The following CAMK2D variants were observed in gnomAD, a reference collection of about 807,000 sequenced individuals.
CAMK2D encodes calcium/calmodulin dependent protein kinase II delta.
Under a neutral mutation model 84.0 loss-of-function variants are expected in CAMK2D, and 37 were observed. The ratio of observed to expected loss-of-function variants is 0.44; its 90% CI spans 0.34 to 0.58. The LOEUF is 0.58. CAMK2D is among the 20% of genes least tolerant of loss of function. CAMK2D has a pLI of 0.02. For missense variants in CAMK2D, 448 were observed against 652.5 expected (o/e 0.69, Z 3.41); for synonymous variants, 202 against 212.5 (o/e 0.95, Z 0.43).
At chr4:113,753,403 A>C (rs973461834) in intron 2 of CAMK2D, among the ~76,000 whole-genome samples, 2 of 152,124 alleles carry the variant, frequency 1.3e-5, no homozygotes, top group African/African-American at 4.8e-5. Context: ...TAACTAAAAA[A>C]ATCAGTGATG....
chr4:113,512,036 GA>G (rs2154164618), intron 12 of CAMK2D, among the ~76,000 whole-genome samples: 1 of 152,184 alleles, frequency 6.6e-6, no homozygotes, highest in Non-Finnish European at 1.5e-5. Flanking sequence ...ACAAAATAAA[GA>G]ATTGAAAAAA....
At chr4:113,542,988 G>A (rs1160496248) in intron 6 of CAMK2D, among the ~76,000 whole-genome samples, 1 of 152,166 alleles carries the variant, frequency 6.6e-6, no homozygotes, top group Non-Finnish European at 1.5e-5. Context: ...TTCATAGGGT[G>A]TTAATTTGTT....
intron 2 of CAMK2D, among the ~76,000 whole-genome samples, chr4:113,710,227 G>C (rs2099487835): frequency 6.6e-6 from 1 of 152,062 alleles, no homozygotes; most frequent in Non-Finnish European, 1.5e-5. Flanking sequence ...TAGAGTATAG[G>C]ACCTGAGCTG....
intron 2 of CAMK2D, among the ~76,000 whole-genome samples, chr4:113,700,151 G>A (rs1272508887): frequency 1.3e-5 from 2 of 152,042 alleles, no homozygotes; most frequent in East Asian, 3.9e-4. Flanking sequence ...TTTCAAAAAG[G>A]AACCAAAGAA....
At chr4:113,576,822 A>T (rs1167086589) in intron 4 of CAMK2D, among the ~76,000 whole-genome samples, 1 of 152,152 alleles carries the variant, frequency 6.6e-6, no homozygotes, top group Non-Finnish European at 1.5e-5. Flanking sequence ...CTTCAACAAA[A>T]GATGAAGACA....
intron 4 of CAMK2D, among the ~76,000 whole-genome samples, chr4:113,565,800 T>C (rs2098721041): frequency 6.6e-6 from 1 of 152,094 alleles, no homozygotes; most frequent in South Asian, 2.1e-4. Flanking sequence ...TGTTGAAACA[T>C]GGAGAAAAGA....
At chr4:113,602,551 C>A (rs1252144366) in intron 4 of CAMK2D, among the ~76,000 whole-genome samples, 1 of 152,338 alleles carries the variant, frequency 6.6e-6, no homozygotes, top group South Asian at 2.1e-4. Context: ...CCAGAGGAAT[C>A]CGCATAAGAA....
intron 16 of CAMK2D, among the ~76,000 whole-genome samples, chr4:113,493,304 T>G (rs999629469): frequency 1.3e-5 from 2 of 152,156 alleles, no homozygotes; most frequent in African/African-American, 4.8e-5. Flanking sequence ...CCATGTTTAG[T>G]GCTTCCTTCA....
chr4:113,683,905 T>TA (rs1387912019), intron 2 of CAMK2D, among the ~76,000 whole-genome samples: 1 of 152,216 alleles, frequency 6.6e-6, no homozygotes, highest in Non-Finnish European at 1.5e-5. Flanking sequence ...ATTTTAGAGT[T>TA]AGACTGCCTG....
At chr4:113,527,340 G>C (rs1191942414) in intron 8 of CAMK2D, among the ~76,000 whole-genome samples, 1 of 151,680 alleles carries the variant, frequency 6.6e-6, no homozygotes, top group Non-Finnish European at 1.5e-5. Flanking sequence ...TTGGACTCAA[G>C]ATCCTCCTGG....
intron 2 of CAMK2D, among the ~76,000 whole-genome samples, chr4:113,693,508 T>C (rs887666942): frequency 3.3e-5 from 5 of 152,128 alleles, no homozygotes; most frequent in Non-Finnish European, 7.4e-5. Flanking sequence ...AAAGGAAACA[T>C]CAAGTAAAGG....
chr4:113,510,467 A>T (rs1283019489), intron 12 of CAMK2D, among the ~76,000 whole-genome samples: 2 of 152,140 alleles, frequency 1.3e-5, no homozygotes, highest in East Asian at 3.9e-4. Context: ...TTTTTTTTGG[A>T]AGGGAGCTTT....
intron 16 of CAMK2D, among the ~76,000 whole-genome samples, chr4:113,498,454 T>C (rs552131525): frequency 1.3e-5 from 2 of 152,250 alleles, no homozygotes; most frequent in Middle Eastern, 6.8e-3. Context: ...TGAGTCCTAA[T>C]GGGCTATGGT....
chr4:113,547,431 TA>T (rs1443441373), intron 6 of CAMK2D, among the ~76,000 whole-genome samples: 5 of 152,352 alleles, frequency 3.3e-5, no homozygotes, highest in Admixed American at 2.6e-4. Flanking sequence ...GTTGGGAAGT[TA>T]TTTCTATCTG....
chr4:113,609,105 GTCC>G (rs2098989114), intron 4 of CAMK2D, 44 bp downstream of exon 4: 1 of 976,274 alleles, frequency 1.0e-6, no homozygotes, highest in Admixed American at 1.7e-5. Context: ...ATTCAAAACG[GTCC>G]TCAATTAGAT....
At chr4:113,526,441 T>TGTGG (rs2098418313) in intron 8 of CAMK2D, among the ~76,000 whole-genome samples, 3 of 152,078 alleles carry the variant, frequency 2.0e-5, no homozygotes, top group Admixed American at 1.3e-4. Context: ...TGTGTGTGTG[T>TGTGG]GTGCATGCAT....
intron 9 of CAMK2D, among the ~76,000 whole-genome samples, chr4:113,516,195 T>A (rs1439141131): frequency 6.6e-6 from 1 of 152,206 alleles, no homozygotes; most frequent in Non-Finnish European, 1.5e-5. Context: ...AGAAAAATGA[T>A]ATTGACTCTA....
intron 3 of CAMK2D, among the ~76,000 whole-genome samples, chr4:113,656,037 T>C (rs2099198535): frequency 6.6e-6 from 1 of 152,162 alleles, no homozygotes; most frequent in Non-Finnish European, 1.5e-5. Flanking sequence ...ATTTGATACA[T>C]ATGTTGACAT....
intron 2 of CAMK2D, among the ~76,000 whole-genome samples, chr4:113,720,498 C>T (rs1349497030): frequency 6.6e-6 from 1 of 151,850 alleles, no homozygotes; most frequent in Admixed American, 6.6e-5. Flanking sequence ...AGTGGGAATG[C>T]ATTAAAATCC....
Sources: gnomAD v4.1 joint callset for allele counts (sites outside exome capture counted in the v4.1 genomes callset) on GRCh38, gnomAD v4.1.1 for gene constraint, MANE v1.5 for transcripts, NCBI Gene and HGNC (gene_info 2026-07-23, HGNC 2026-07-21) for gene names.